The following DCAF6 variants were observed in gnomAD, a reference collection of about 807,000 sequenced individuals.
The protein encoded by DCAF6 is DDB1- and CUL4-associated factor 6.
DCAF6 carries 54 observed loss-of-function variants against 125.1 expected under a neutral mutation model. The ratio of observed to expected loss-of-function variants is 0.43; its 90% CI spans 0.35 to 0.54. The LOEUF (loss-of-function observed/expected upper bound fraction) is 0.54, where lower values mean the gene tolerates loss of function less well. DCAF6 is among the 20% of genes least tolerant of loss of function. The pLI, the probability that DCAF6 is intolerant of heterozygous loss-of-function variation, is 0.01. For synonymous variants in DCAF6, 371 were observed against 390.4 expected, an observed-to-expected ratio of 0.95 and a Z score of 0.58; for missense variants, 934 against 1,161.7, an observed-to-expected ratio of 0.80 and a Z score of 2.85.
intron 6 of DCAF6, 109 bp from the exon 7 acceptor site, chr1:167,993,117 A>G: frequency 1.0e-6 from 1 of 963,214 alleles, no homozygotes; most frequent in Non-Finnish European, 1.5e-6. Context: ...GATGGCTTTT[A>G]TTTGTATTGC....
At chr1:167,882,697 T>TGTAGTGAGAGGTAGCCCAGC in the DCAF6 span, among the ~76,000 whole-genome samples, 1 of 151,848 alleles carries the variant, frequency 6.6e-6, no homozygotes, top group African/African-American at 2.4e-5. Context: ...GAGACTTATG[T>TGTAGTGAGAGGTAGCCCAGC]GTAGTGAGAG....
intron 16 of DCAF6, among the ~76,000 whole-genome samples, chr1:168,046,949 G>C (rs1689216493): frequency 6.6e-6 from 1 of 152,008 alleles, no homozygotes; most frequent in Admixed American, 6.5e-5. Context: ...GTTTTTAATG[G>C]ATATTAGACA....
intron 10 of DCAF6, among the ~76,000 whole-genome samples, chr1:168,011,689 G>A (rs1283520653): frequency 6.6e-6 from 1 of 152,134 alleles, no homozygotes; most frequent in Non-Finnish European, 1.5e-5. Flanking sequence ...TTAGAAACAA[G>A]TGGAGAGACC....
chr1:167,871,935 C>T, the DCAF6 span, among the ~76,000 whole-genome samples: 1 of 152,218 alleles, frequency 6.6e-6, no homozygotes, highest in Non-Finnish European at 1.5e-5. Context: ...TCAAAGGCTG[C>T]ATAGCTGCAC....
intron 4 of DCAF6, among the ~76,000 whole-genome samples, chr1:167,983,681 A>G (rs1679531792): frequency 6.6e-6 from 1 of 152,236 alleles, no homozygotes; most frequent in South Asian, 2.1e-4. Context: ...CTAAATTCCC[A>G]GAAATGTTTT....
At chr1:167,964,043 T>C (rs1676024440) in intron 2 of DCAF6, among the ~76,000 whole-genome samples, 1 of 152,234 alleles carries the variant, frequency 6.6e-6, no homozygotes, top group Non-Finnish European at 1.5e-5. Context: ...AATACATTGT[T>C]GCTGTTATTT....
At chr1:167,941,251 G>T (rs965790833) in intron 1 of DCAF6, among the ~76,000 whole-genome samples, 2 of 152,134 alleles carry the variant, frequency 1.3e-5, no homozygotes, top group Admixed American at 1.3e-4. Flanking sequence ...ACAAACGTAA[G>T]ATATACTGAT....
intron 20 of DCAF6, 46 bp from the exon 21 acceptor site, chr1:168,068,312 A>G (rs1233789685): frequency 7.2e-7 from 1 of 1,387,608 alleles, no homozygotes; most frequent in Non-Finnish European, 1.0e-6. Context: ...AGGAAAAAAT[A>G]CAGTTACTTT....
intron 13 of DCAF6, among the ~76,000 whole-genome samples, chr1:168,039,919 C>T (rs986928150): frequency 2.0e-5 from 3 of 151,198 alleles, no homozygotes; most frequent in African/African-American, 4.9e-5. Flanking sequence ...TTCTATGTTC[C>T]GGGGACTATT....
At chr1:167,874,392 C>T in the DCAF6 span, among the ~76,000 whole-genome samples, 2 of 151,924 alleles carry the variant, frequency 1.3e-5, no homozygotes, top group Admixed American at 1.3e-4. Flanking sequence ...AGGAGCTCAA[C>T]CACATCAGGG....
chr1:167,971,014 A>G (rs2102864759), intron 3 of DCAF6, among the ~76,000 whole-genome samples: 1 of 152,310 alleles, frequency 6.6e-6, no homozygotes, highest in Non-Finnish European at 1.5e-5. Context: ...TTCCAAATAT[A>G]TACTGTATAC....
At chr1:168,002,292 A>G (rs571365289) in intron 7 of DCAF6, among the ~76,000 whole-genome samples, 190 bp from the exon 8 acceptor site, 1 of 152,164 alleles carries the variant, frequency 6.6e-6, no homozygotes, top group Non-Finnish European at 1.5e-5. Context: ...ACATCAGTGG[A>G]TATTTATCCT....
intron 12 of DCAF6, among the ~76,000 whole-genome samples, chr1:168,034,807 T>TA (rs1440360577): frequency 1.3e-5 from 2 of 152,216 alleles, no homozygotes; most frequent in African/African-American, 4.8e-5. Context: ...CTGTGCATTA[T>TA]GTAAATAAGA....
rs139909081 is a variant in DCAF6, at chr1:167,995,152, T to G, written c.903+1712T>G. 9.9e-3 allele frequency among the ~76,000 whole-genome samples: 1,506 copies of G among 152,278 alleles called. 21 individuals are homozygous for G. The highest frequency in any genetic ancestry group is 0.035 in the African/African-American group (1,446 of 41,536). On this transcript the variant is annotated intron_variant, in intron 7 of 21. Transcript: ENST00000367840. ...CAAATTTCCCCTTGAAATACATGGGTAAGTAAAGTTATAGTCAAACTGTGA... is the reference window on the plus strand; with the variant it reads ...CAAATTTCCCCTTGAAATACATGGGGAAGTAAAGTTATAGTCAAACTGTGA...
the DCAF6 span, among the ~76,000 whole-genome samples, chr1:167,924,720 T>C: frequency 6.6e-6 from 1 of 152,196 alleles, no homozygotes; most frequent in Non-Finnish European, 1.5e-5. Context: ...AGTATCACAG[T>C]ACAGTTGACC....
intron 7 of DCAF6, among the ~76,000 whole-genome samples, chr1:168,000,444 A>G (rs1447221966): frequency 1.3e-5 from 2 of 152,202 alleles, no homozygotes; most frequent in African/African-American, 4.8e-5. Context: ...AGTATCTGTG[A>G]AATTCAGTGA....
intron 11 of DCAF6, among the ~76,000 whole-genome samples, chr1:168,019,356 A>G (rs1203566755): frequency 6.6e-6 from 1 of 152,152 alleles, no homozygotes; most frequent in Non-Finnish European, 1.5e-5. Context: ...CCAATAATGT[A>G]CTATCTTAAT....
the DCAF6 span, among the ~76,000 whole-genome samples, chr1:167,889,216 T>C: frequency 6.6e-6 from 1 of 152,242 alleles, no homozygotes; most frequent in Admixed American, 6.5e-5. Context: ...CGGTCTATTC[T>C]ATATGGCTTT....
chr1:167,938,976 C>T (rs1174533993), intron 1 of DCAF6, among the ~76,000 whole-genome samples: 1 of 152,076 alleles, frequency 6.6e-6, no homozygotes, highest in East Asian at 1.9e-4. Context: ...AGTTCTTTAT[C>T]TTAAATAATA....
Sources: gnomAD v4.1 joint callset for allele counts (sites outside exome capture counted in the v4.1 genomes callset) on GRCh38, gnomAD v4.1.1 for gene constraint, MANE v1.5 for transcripts, NCBI Gene and HGNC (gene_info 2026-07-23, HGNC 2026-07-21) for gene names.